Variants in SLC12A6 observed in about 807,000 individuals in gnomAD.
The protein encoded by SLC12A6 is K-Cl cotransporter 3.
Under a neutral mutation model 135.3 loss-of-function variants are expected in SLC12A6, and 66 were observed. The observed-to-expected ratio is 0.49, with a 90% CI of 0.40 to 0.60. The LOEUF (loss-of-function observed/expected upper bound fraction) is 0.60. Among genes scored for constraint, SLC12A6 ranks in the 20% least tolerant of loss-of-function variants. The probability of loss-of-function intolerance (pLI) is 0.00; values close to 1 mark genes in which losing one functional copy is unlikely to be tolerated. For synonymous variants in SLC12A6, 513 were observed against 508.8 expected (o/e 1.01, Z -0.11); for missense variants, 1,058 against 1,452.3 (o/e 0.73, Z 4.41).
Position 34,280,994 on chromosome 15 carries a change from T to C in SLC12A6, c.272-5605A>G, listed in dbSNP as rs557977036. 5.9e-5 allele frequency among the ~76,000 whole-genome samples: 9 copies of C among 152,074 alleles called. No individual in the cohort carries two copies. In the East Asian group the frequency reaches 1.7e-3, roughly 29 times the overall value. On this transcript the variant is annotated intron_variant, in intron 2 of 25. Transcript: ENST00000354181. Reference sequence around the variant, plus strand: ...AGTCAGAAAAAAAAAGTTGATCTCATAGATGTAAAAATTAGAACAGACGAT... The same window carrying C: ...AGTCAGAAAAAAAAAGTTGATCTCACAGATGTAAAAATTAGAACAGACGAT...
chr15:34,292,675 T>C (rs1159422954), intron 2 of SLC12A6, among the ~76,000 whole-genome samples: 2 of 152,118 alleles, frequency 1.3e-5, no homozygotes, highest in Admixed American at 1.3e-4. Context: ...GCCACTTTGT[T>C]TACTCCAAGT....
chr15:34,321,539 G>T (rs1889091208), intron 2 of SLC12A6, among the ~76,000 whole-genome samples: 1 of 152,286 alleles, frequency 6.6e-6, no homozygotes, highest in East Asian at 1.9e-4. Context: ...CACTGTTGTT[G>T]GGGGTATAAA....
chr15:34,291,619 C>A (rs1236084794), intron 2 of SLC12A6, among the ~76,000 whole-genome samples: 1 of 152,134 alleles, frequency 6.6e-6, no homozygotes, highest in Non-Finnish European at 1.5e-5. Context: ...TCAGGTACAC[C>A]AATCAAACGT....
rs576502660 is a variant in SLC12A6 at position 34,319,227 on chromosome 15, C to A, written c.271+17183G>T. 4.7e-3 allele frequency among the ~76,000 whole-genome samples: 720 copies of A among 151,748 alleles called. 7 individuals are homozygous for A. The highest frequency in any genetic ancestry group is 0.016 in the African/African-American group (673 of 41,322). The stretch of plus-strand genomic sequence containing the variant: ...CTCAGCTCACTGCAACCTCCGCCTC[C>A]CAGGTTCAAGCGATTCTCCTGCCTC... On this transcript the variant is annotated intron_variant, in intron 2 of 25. Coordinates refer to ENST00000354181, the MANE Select transcript of SLC12A6 (RefSeq NM_001365088.1).
intron 2 of SLC12A6, among the ~76,000 whole-genome samples, chr15:34,285,180 G>C (rs975916365): frequency 1.3e-5 from 2 of 152,196 alleles, no homozygotes; most frequent in African/African-American, 4.8e-5. Flanking sequence ...GGAATGAGCA[G>C]ATAGCAGGGA....
At chr15:34,319,422 C>T (rs541191705) in intron 2 of SLC12A6, among the ~76,000 whole-genome samples, 10 of 152,118 alleles carry the variant, frequency 6.6e-5, no homozygotes, top group Non-Finnish European at 1.5e-4. Context: ...GATTAACAGG[C>T]GTGAGCCACC....
chr15:34,275,801 G>A (rs1030478402), intron 2 of SLC12A6, among the ~76,000 whole-genome samples: 1 of 152,186 alleles, frequency 6.6e-6, no homozygotes, highest in African/African-American at 2.4e-5. Flanking sequence ...TCTGATACAT[G>A]TGACAACATG....
At chr15:34,316,803 G>C (rs1888682646) in intron 2 of SLC12A6, among the ~76,000 whole-genome samples, 1 of 152,088 alleles carries the variant, frequency 6.6e-6, no homozygotes, top group Non-Finnish European at 1.5e-5. Context: ...AATGGGACTA[G>C]TAAAGATGAA....
At chr15:34,310,575 GT>G (rs1816135597) in intron 2 of SLC12A6, among the ~76,000 whole-genome samples, 1 of 114,092 alleles carries the variant, frequency 8.8e-6, no homozygotes, top group African/African-American at 4.0e-5. Context: ...GTGTGTATGT[GT>G]GTGTGTGTGT....
rs113047532 is a variant in SLC12A6, at chr15:34,259,061, C to T, written c.412-117G>A. 5.0e-3 allele frequency: 4,150 copies of T among 822,582 alleles called. 134 individuals carry two copies. In the African/African-American group the frequency reaches 0.063, roughly 12 times the overall value. 51.0% of individuals were successfully genotyped at this position (822,582 alleles called of 1,614,324 possible). A position where few individuals can be genotyped will look rare whatever the true frequency, so the allele number is the denominator to read the frequency against. On this transcript the variant is annotated intron_variant, in intron 4 of 25. Transcript: ENST00000354181. ...ATGAAAAAATATTTCACAGGTAGGC[C>T]GGGTGCAGTGGCTCACACCTGTAAT...
intron 3 of SLC12A6, among the ~76,000 whole-genome samples, chr15:34,273,813 T>C (rs1057102863): frequency 2.6e-5 from 4 of 151,700 alleles, no homozygotes; most frequent in Non-Finnish European, 5.9e-5. Context: ...GAAGGAAGTA[T>C]AAATAAAAAA....
rs59209438 is a variant in SLC12A6 at position 34,243,889 on chromosome 15, C to T, written c.2042+85G>A. 97,913 of 852,702 alleles carry T rather than the reference C, an allele frequency of 0.11. 6,460 individuals carry two copies. Among genetic ancestry groups the T allele is most frequent in the East Asian group, 0.25 (10,192 of 41,390 alleles). 52.8% of individuals were successfully genotyped at this position (852,702 alleles called of 1,614,324 possible). On this transcript the variant is annotated intron_variant, in intron 16 of 25. Coordinates refer to ENST00000354181, the MANE Select transcript of SLC12A6 (RefSeq NM_001365088.1). ...TGGCTGACCAAGAAAAAAATTTTAT[C>T]GAGAACCCAGACTCTCCTAGTTTTC...
At chr15:34,294,178 T>C (rs1230789972) in intron 2 of SLC12A6, among the ~76,000 whole-genome samples, 7 of 152,316 alleles carry the variant, frequency 4.6e-5, no homozygotes, top group South Asian at 2.1e-4. Context: ...AGCTTTGTCA[T>C]TGCCCCACTC....
chr15:34,327,156 A>G (rs1889523201), intron 2 of SLC12A6, among the ~76,000 whole-genome samples: 2 of 152,130 alleles, frequency 1.3e-5, no homozygotes, highest in Admixed American at 6.5e-5. Flanking sequence ...TTTTTAAAAA[A>G]TGAAAAAATA....
intron 2 of SLC12A6, among the ~76,000 whole-genome samples, chr15:34,303,835 T>C (rs1896421673): frequency 6.6e-6 from 1 of 152,228 alleles, no homozygotes; most frequent in South Asian, 2.1e-4. Flanking sequence ...GGTCTTGGAC[T>C]TTCCAGCCTC....
At chr15:34,319,116 T>C (rs1458906871) in intron 2 of SLC12A6, among the ~76,000 whole-genome samples, 1 of 151,478 alleles carries the variant, frequency 6.6e-6, no homozygotes, top group South Asian at 2.1e-4. Context: ...CAAGAAAGAT[T>C]AGAGAACAGT....
intron 2 of SLC12A6, among the ~76,000 whole-genome samples, chr15:34,297,039 C>T (rs1895923681): frequency 6.6e-6 from 1 of 152,076 alleles, no homozygotes; most frequent in Non-Finnish European, 1.5e-5. Context: ...CTGATTCTAC[C>T]TTCTCCCCTC....
intron 2 of SLC12A6, among the ~76,000 whole-genome samples, chr15:34,276,116 T>C (rs147534139): frequency 0.01 from 1,546 of 152,272 alleles, 66 homozygotes; most frequent in Admixed American, 0.09. Context: ...AACTTCTGTA[T>C]TGTATATATT....
rs1338812961 is a variant in SLC12A6, at chr15:34,232,087, A to G, written c.*1794T>C. The G allele has an allele frequency of 1.3e-5, 2 of 152,238 alleles. No individual in the cohort carries two copies. The highest frequency in any genetic ancestry group is 2.4e-5 in the African/African-American group (1 of 41,462). 9.4% of individuals were successfully genotyped at this position (152,238 alleles called of 1,614,324 possible). The stretch of plus-strand genomic sequence containing the variant: ...GCAAGAAAAGTTTCTCTAAATAACT[A>G]TTCTGTAAAAGAAATGAAGATTTCA... On this transcript the variant is annotated 3_prime_UTR_variant, in exon 26 of 26. Transcript: ENST00000354181.
Sources: allele counts gnomAD v4.1 joint callset (sites outside exome capture counted in the v4.1 genomes callset), GRCh38; gene constraint gnomAD v4.1.1; transcripts MANE v1.5; gene names NCBI Gene and HGNC (gene_info 2026-07-23, HGNC 2026-07-21).